PCDH15: variants seen among roughly 807,000 people sequenced by gnomAD.
PCDH15 encodes protocadherin related 15, also known as protocadherin-15.
PCDH15 carries 129 observed loss-of-function variants against 178.5 expected under a neutral mutation model. The ratio of observed to expected loss-of-function variants is 0.72; its 90% CI spans 0.63 to 0.84. The LOEUF is 0.84. Among genes scored for constraint, PCDH15 ranks in the 40% least tolerant of loss-of-function variants. The probability of loss-of-function intolerance (pLI) is 0.00; values close to 1 mark genes in which losing one functional copy is unlikely to be tolerated. For synonymous variants in PCDH15, 800 were observed against 732.0 expected, an observed-to-expected ratio of 1.09 and a Z score of -1.50; for missense variants, 2,230 against 2,099.9, an observed-to-expected ratio of 1.06 and a Z score of -1.21.
chr10:54,346,499 G>T lies in PCDH15; in HGVS notation c.475-15C>A, dbSNP rs1475211932. The T allele has an allele frequency of 2.5e-6, 4 of 1,612,638 alleles. No individual in the cohort carries two copies. The highest frequency in any genetic ancestry group is 1.3e-5 in the African/African-American group (1 of 74,982). On this transcript the variant is annotated splice_polypyrimidine_tract_variant and intron_variant, in intron 5 of 37. Transcript: ENST00000644397. ...ACTGGAGTGAGCTGAAAGGAAAAAA[G>T]ATTTTAAATATCAATTTTCATTTTA...
intron 21 of PCDH15, among the ~76,000 whole-genome samples, chr10:53,980,152 A>T (rs2610892): frequency 0.75 from 113,205 of 151,048 alleles, 43,081 homozygotes; most frequent in African/African-American, 0.88. Flanking sequence ...ACTCTGGGGC[A>T]GGAGGTTGCA....
At chr10:54,244,144 C>T (rs2055687651) in intron 8 of PCDH15, among the ~76,000 whole-genome samples, 1 of 152,032 alleles carries the variant, frequency 6.6e-6, no homozygotes, top group Non-Finnish European at 1.5e-5. Flanking sequence ...TTATTATTTC[C>T]ATGAGCAAAT....
rs191577774 is a variant in PCDH15, at chr10:53,995,749, G to T, written c.2768C>A (p.Pro923His). 6.2e-6 allele frequency: 10 copies of T among 1,613,584 alleles called. No homozygotes were observed. The Admixed American group carries it at 1.2e-4, about 19-fold the overall frequency. The change falls in exon 21 of 38, where the codon CCT becomes CAT. Residue 923 changes from proline (P) to histidine (H), a missense_variant. Coordinates refer to ENST00000644397, the MANE Select transcript of PCDH15 (RefSeq NM_001384140.1). ...TVIVKDMNDY[P>H]PVFSKRIYKG... ...GTATATTCGTTTACTAAAGACAGGAGGATAATCATTCATATCCTGTAAAAC... is the reference window on the plus strand; with the variant it reads ...GTATATTCGTTTACTAAAGACAGGATGATAATCATTCATATCCTGTAAAAC...
chr10:54,773,916 C>T (rs1181155644), intron 1 of PCDH15, among the ~76,000 whole-genome samples: 1 of 150,512 alleles, frequency 6.6e-6, no homozygotes, highest in East Asian at 2.0e-4. Context: ...TGTGTAAGGC[C>T]CAATTCTTAT....
chr10:54,059,720 T>C (rs1565151945), intron 18 of PCDH15, among the ~76,000 whole-genome samples: 1 of 152,208 alleles, frequency 6.6e-6, no homozygotes, highest in Admixed American at 6.5e-5. Flanking sequence ...AACACTTTGA[T>C]AGCCACCTAA....
chr10:55,173,565 C>T (rs964021999), intron 1 of PCDH15, among the ~76,000 whole-genome samples: 2 of 151,752 alleles, frequency 1.3e-5, no homozygotes. Flanking sequence ...AATGCATTTG[C>T]TTTTCTTAAA....
intron 13 of PCDH15, among the ~76,000 whole-genome samples, chr10:54,179,132 G>A (rs912358899): frequency 1.3e-4 from 20 of 151,978 alleles, no homozygotes; most frequent in African/African-American, 2.2e-4. Flanking sequence ...TGTTTATTGC[G>A]GCACTATTCA....
intron 15 of PCDH15, among the ~76,000 whole-genome samples, chr10:54,112,022 A>T (rs1324331346): frequency 6.6e-6 from 1 of 151,050 alleles, no homozygotes; most frequent in African/African-American, 2.4e-5. Flanking sequence ...GGGCGCCTGT[A>T]ATCCCAGCTA....
intron 2 of PCDH15, among the ~76,000 whole-genome samples, chr10:55,615,018 AG>A (rs1403320896): frequency 1.3e-4 from 20 of 152,198 alleles, no homozygotes; most frequent in Admixed American, 1.3e-3. Flanking sequence ...GTAATCATTC[AG>A]TAAATGGTCA....
chr10:55,507,913 C>A (rs1840797283), intron 2 of PCDH15, among the ~76,000 whole-genome samples: 2 of 151,502 alleles, frequency 1.3e-5, no homozygotes, highest in African/African-American at 4.8e-5. Context: ...AACATGTAAT[C>A]ATTGTGCCAC....
intron 2 of PCDH15, among the ~76,000 whole-genome samples, chr10:54,555,211 T>C (rs1345256173): frequency 6.6e-6 from 1 of 152,124 alleles, no homozygotes; most frequent in African/African-American, 2.4e-5. Flanking sequence ...CTGCCACACA[T>C]GCATTCAGTC....
At chr10:55,373,504 C>T (rs1046365147) in intron 2 of PCDH15, among the ~76,000 whole-genome samples, 1 of 151,724 alleles carries the variant, frequency 6.6e-6, no homozygotes, top group African/African-American at 2.4e-5. Flanking sequence ...TGATATCATA[C>T]CTAGACCTCA....
intron 2 of PCDH15, among the ~76,000 whole-genome samples, chr10:55,030,484 A>G (rs1224637753): frequency 1.3e-5 from 2 of 152,204 alleles, no homozygotes; most frequent in Admixed American, 6.5e-5. Flanking sequence ...AAATTGAGTC[A>G]TGACTTAAGA....
At chr10:54,947,667 T>C (rs563274960) in intron 2 of PCDH15, among the ~76,000 whole-genome samples, 54 of 151,934 alleles carry the variant, frequency 3.6e-4, no homozygotes, top group Non-Finnish European at 6.5e-4. Flanking sequence ...AAACCCAATA[T>C]GTTCAAATGA....
intron 2 of PCDH15, among the ~76,000 whole-genome samples, chr10:55,010,489 G>T (rs1365820086): frequency 1.3e-5 from 2 of 152,134 alleles, no homozygotes; most frequent in Non-Finnish European, 2.9e-5. Flanking sequence ...GAGGCATAAT[G>T]TAAATTTGGC....
intron 2 of PCDH15, among the ~76,000 whole-genome samples, chr10:55,059,589 TA>T (rs1180046305): frequency 6.6e-6 from 1 of 152,154 alleles, no homozygotes; most frequent in African/African-American, 2.4e-5. Flanking sequence ...CACAAAGGCT[TA>T]TTCCACTGTA....
chr10:55,538,599 T>TTCCTTCCTTCC (rs1841661483), intron 2 of PCDH15, among the ~76,000 whole-genome samples: 1 of 60,788 alleles, frequency 1.6e-5, no homozygotes, highest in Non-Finnish European at 3.0e-5. Flanking sequence ...CCTTCCTTCC[T>TTCCTTCCTTCC]TCCTTTCCTT....
At chr10:54,164,725 G>C (rs911803103) in intron 13 of PCDH15, among the ~76,000 whole-genome samples, 4 of 152,160 alleles carry the variant, frequency 2.6e-5, no homozygotes, top group Non-Finnish European at 4.4e-5. Context: ...AGAAGTTAGT[G>C]TAACAAAAAT....
intron 25 of PCDH15, among the ~76,000 whole-genome samples, chr10:53,935,193 T>C (rs2085460527): frequency 6.6e-6 from 1 of 152,004 alleles, no homozygotes. Flanking sequence ...AGAAAATGAG[T>C]CAAGTTATCC....
Sources: allele counts gnomAD v4.1 joint callset (sites outside exome capture counted in the v4.1 genomes callset), GRCh38; gene constraint gnomAD v4.1.1; transcripts MANE v1.5; gene names NCBI Gene and HGNC (gene_info 2026-07-23, HGNC 2026-07-21).